The following ODF2L variants were observed in gnomAD, a reference collection of about 807,000 sequenced individuals.
The protein encoded by ODF2L is outer dense fiber of sperm tails 2 like.
Under a neutral mutation model 86.3 loss-of-function variants are expected in ODF2L, and 76 were observed. The ratio of observed to expected loss-of-function variants is 0.88; its 90% CI spans 0.73 to 1.07. The LOEUF is 1.07. ODF2L is among the 50% of genes least tolerant of loss of function. The pLI, the probability that ODF2L is intolerant of heterozygous loss-of-function variation, is 0.00. For missense variants in ODF2L, 748 were observed against 717.4 expected, an observed-to-expected ratio of 1.04 and a Z score of -0.49; for synonymous variants, 241 against 231.3, an observed-to-expected ratio of 1.04 and a Z score of -0.38.
chr1:86,380,693 T>C (rs1052994965), intron 7 of ODF2L, among the ~76,000 whole-genome samples: 9 of 152,112 alleles, frequency 5.9e-5, no homozygotes, highest in Non-Finnish European at 1.3e-4. Flanking sequence ...GATTATCTTC[T>C]TTTTCTATCT....
At chr1:86,376,996 C>T (rs1401245668) in intron 7 of ODF2L, among the ~76,000 whole-genome samples, 1 of 152,044 alleles carries the variant, frequency 6.6e-6, no homozygotes, top group African/African-American at 2.4e-5. Context: ...CCCAAAAGCC[C>T]AAGTCTAAAG....
At chr1:86,363,409 G>T (rs962103519) in intron 11 of ODF2L, among the ~76,000 whole-genome samples, 32 of 152,058 alleles carry the variant, frequency 2.1e-4, no homozygotes, top group African/African-American at 7.7e-4. Context: ...GAATAAATGA[G>T]ATTATTTATA....
intron 5 of ODF2L, 27 bp from the exon 6 acceptor site, chr1:86,383,029 G>A: frequency 2.2e-6 from 3 of 1,362,602 alleles, no homozygotes; most frequent in Non-Finnish European, 3.1e-6. Flanking sequence ...ATAAGAATTA[G>A]GAATTTCACA....
intron 17 of ODF2L, among the ~76,000 whole-genome samples, chr1:86,352,653 G>A (rs1448623392): frequency 6.6e-6 from 1 of 151,972 alleles, no homozygotes; most frequent in African/African-American, 2.4e-5. Flanking sequence ...GAGATTTGAT[G>A]GCAATGCAAT....
At chr1:86,369,486 C>A (rs1659652561) in intron 10 of ODF2L, among the ~76,000 whole-genome samples, 1 of 152,148 alleles carries the variant, frequency 6.6e-6, no homozygotes, top group Non-Finnish European at 1.5e-5. Flanking sequence ...GCATTTGAAA[C>A]CAATCGAGTC....
chr1:86,366,806 G>A (rs1659475711), intron 11 of ODF2L, among the ~76,000 whole-genome samples: 2 of 151,942 alleles, frequency 1.3e-5, no homozygotes, highest in Non-Finnish European at 2.9e-5. Context: ...ACAAAACCCA[G>A]AAATTGAAGA....
At chr1:86,352,064 TTCTG>T in exon 18 of ODF2L, 3 of 1,348,722 alleles carry the variant, frequency 2.2e-6, no homozygotes, top group Non-Finnish European at 2.9e-6. Flanking sequence ...CGACGTTTTG[TTCTG>T]ACTAAGTTGT....
At chr1:86,360,623 T>C in intron 11 of ODF2L, 87 bp from the exon 11 acceptor site, 1 of 587,494 alleles carries the variant, frequency 1.7e-6, no homozygotes, top group East Asian at 3.0e-5. Context: ...ATAACTCATG[T>C]ATTAACAAAG....
chr1:86,391,976 C>T (rs1661362369), intron 1 of ODF2L, among the ~76,000 whole-genome samples: 1 of 151,900 alleles, frequency 6.6e-6, no homozygotes, highest in South Asian at 2.1e-4. Flanking sequence ...TATCCAAAAC[C>T]GACAATGAAC....
At chr1:86,372,641 C>A in intron 8 of ODF2L, 101 bp from the exon 9 acceptor site, 1 of 592,636 alleles carries the variant, frequency 1.7e-6, no homozygotes, top group Non-Finnish European at 2.8e-6. Flanking sequence ...AGCAATCTTC[C>A]AAAAAGTATG....
At chr1:86,382,483 T>G in intron 6 of ODF2L, 125 bp from the exon 7 acceptor site, 1 of 1,483,190 alleles carries the variant, frequency 6.7e-7, no homozygotes, top group Non-Finnish European at 9.0e-7. Context: ...AAAGCACTAC[T>G]TTACATAAAC....
chr1:86,393,723 TAG>T (rs1460592344), intron 1 of ODF2L, among the ~76,000 whole-genome samples: 1 of 152,234 alleles, frequency 6.6e-6, no homozygotes, highest in East Asian at 1.9e-4. Context: ...CAGAATCATA[TAG>T]TTTAGAATTT....
chr1:86,378,206 T>C (rs1475212314), intron 7 of ODF2L, among the ~76,000 whole-genome samples: 4 of 152,184 alleles, frequency 2.6e-5, no homozygotes, highest in Non-Finnish European at 5.9e-5. Flanking sequence ...GTCAGTCTCT[T>C]TGCTAAAGCA....
chr1:86,357,603 GA>G (rs72508994), intron 13 of ODF2L: 53,411 of 167,938 alleles, frequency 0.32, 7,628 homozygotes, highest in East Asian at 0.41. Context: ...AGTAAAACAG[GA>G]AAAAAAAAAA....
At chr1:86,382,506 T>G in intron 6 of ODF2L, 148 bp from the exon 7 acceptor site, 2 of 1,333,418 alleles carry the variant, frequency 1.5e-6, no homozygotes, top group Non-Finnish European at 2.0e-6. Context: ...CCGCCCCTAT[T>G]ACAAATGTAT....
At position 86,354,535 on chromosome 1, in the gene ODF2L, G is replaced by A. The variant is rs761203195; in HGVS notation, c.1762C>T (p.Gln588Ter). The A allele has an allele frequency of 1.9e-6, 3 of 1,588,546 alleles. No individual in the cohort carries two copies. The highest frequency in any genetic ancestry group is 1.8e-5 in the Admixed American group (1 of 56,070). The change falls in exon 16 of 18, where the codon CAA (glutamine) becomes TAA (stop). Residue 588 changes from glutamine (Q) to a stop codon, truncating the protein, a stop_gained. Transcript: ENST00000317336. LOFTEE classifies it high-confidence loss of function. ...TAAATAAAGGCCATGCATACCTTTTGTCTTCCTTCTTCTAAAGCAGCTTCC... is the reference window on the plus strand; with the variant it reads ...TAAATAAAGGCCATGCATACCTTTTATCTTCCTTCTTCTAAAGCAGCTTCC...
intron 13 of ODF2L, 44 bp from the exon 13 acceptor site, chr1:86,356,646 A>G (rs1270879001): frequency 1.9e-5 from 30 of 1,547,088 alleles, no homozygotes; most frequent in Non-Finnish European, 2.5e-5. Flanking sequence ...TCACACATTC[A>G]GCATTAATAT....
At chr1:86,384,623 C>A in intron 4 of ODF2L, 53 bp downstream of exon 4, 19 of 1,149,050 alleles carry the variant, frequency 1.7e-5, no homozygotes, top group Non-Finnish European at 2.2e-5. Context: ...ATAATGTATC[C>A]TTCAAATGAG....
At chr1:86,386,482 T>C (rs1406263456) in intron 2 of ODF2L, 1 of 154,414 alleles carries the variant, frequency 6.5e-6, no homozygotes. Context: ...GCCTCCCAGG[T>C]TCAAGTGATT....
Sources: allele counts gnomAD v4.1 joint callset (sites outside exome capture counted in the v4.1 genomes callset), GRCh38; gene constraint gnomAD v4.1.1; transcripts MANE v1.5; gene names NCBI Gene and HGNC (gene_info 2026-07-23, HGNC 2026-07-21).